The following CACNA1B variants were observed in gnomAD, a reference collection of about 807,000 sequenced individuals.
CACNA1B encodes the protein calcium voltage-gated channel subunit alpha1 B, also known as voltage-dependent N-type calcium channel subunit alpha-1B.
CACNA1B carries 70 observed loss-of-function variants against 247.2 expected under a neutral mutation model. That is an observed-to-expected ratio of 0.28 (90% CI 0.23 to 0.35). CACNA1B has a LOEUF of 0.35. Among genes scored for constraint, CACNA1B ranks in the 10% least tolerant of loss-of-function variants. The probability of loss-of-function intolerance (pLI) is 1.00; values close to 1 mark genes in which losing one functional copy is unlikely to be tolerated. For missense variants in CACNA1B, 2,367 were observed against 3,197.4 expected, an observed-to-expected ratio of 0.74 and a Z score of 6.26; for synonymous variants, 1,231 against 1,294.4, an observed-to-expected ratio of 0.95 and a Z score of 1.05.
intron 3 of CACNA1B, among the ~76,000 whole-genome samples, chr9:137,910,657 C>T (rs772780648): frequency 2.6e-5 from 4 of 152,118 alleles, no homozygotes; most frequent in South Asian, 2.1e-4. Flanking sequence ...TCATAAGGAG[C>T]GTGCAACCTA....
chr9:137,912,705 GAA>G (rs897930040), intron 3 of CACNA1B, among the ~76,000 whole-genome samples: 2 of 152,136 alleles, frequency 1.3e-5, no homozygotes, highest in African/African-American at 4.8e-5. Flanking sequence ...ATAAGGGAAA[GAA>G]TGGTGGTATA....
intron 3 of CACNA1B, among the ~76,000 whole-genome samples, chr9:137,908,892 A>C (rs1228587650): frequency 6.6e-6 from 1 of 152,050 alleles, no homozygotes; most frequent in East Asian, 1.9e-4. Flanking sequence ...CGGCCTCCCA[A>C]AGTGCTGGGA....
chr9:137,996,346 A>C (rs1262913615), intron 15 of CACNA1B, among the ~76,000 whole-genome samples: 2 of 152,260 alleles, frequency 1.3e-5, no homozygotes, highest in East Asian at 3.8e-4. Context: ...AAAGAGTGAA[A>C]TAATGGCATT....
intron 38 of CACNA1B, among the ~76,000 whole-genome samples, chr9:138,104,526 C>A (rs1387449191): frequency 6.6e-6 from 1 of 152,234 alleles, no homozygotes; most frequent in African/African-American, 2.4e-5. Context: ...GGGACTAGGA[C>A]TGGACGTGGC....
rs537664398 is a variant in CACNA1B at position 137,909,869 on chromosome 9, C to T, written c.531-3311C>T. 2.0e-5 allele frequency among the ~76,000 whole-genome samples: 3 copies of T among 152,174 alleles called. No individual in the cohort carries two copies. In the East Asian group the frequency reaches 5.8e-4, roughly 29 times the overall value. On this transcript the variant is annotated intron_variant, in intron 3 of 46. Coordinates refer to ENST00000371372, the MANE Select transcript of CACNA1B (RefSeq NM_000718.4). ...CACTGCAACCTCCACCTCTCGGGTT[C>T]AAGTGATTCTTGTGCCTCAGCCTCC...
intron 6 of CACNA1B, among the ~76,000 whole-genome samples, chr9:137,943,712 G>C (rs1025175287): frequency 2.0e-5 from 3 of 152,152 alleles, no homozygotes; most frequent in African/African-American, 7.2e-5. Flanking sequence ...GTATTTATTA[G>C]GCAAAAGAGA....
rs201195222 is a variant in CACNA1B at position 138,122,425 on chromosome 9, G to A, written c.*426G>A. ...AGCAGGGCCCACCTGAAAGTGCGCC[G>A]AGACCTCGGGACGGAGGGGATGGGG... On this transcript the variant is annotated 3_prime_UTR_variant, in exon 47 of 47. Coordinates refer to ENST00000371372, the MANE Select transcript of CACNA1B (RefSeq NM_000718.4). 22 of 184,884 alleles carry A rather than the reference G, an allele frequency of 1.2e-4. No individual in the cohort carries two copies. Among genetic ancestry groups the A allele is most frequent in the Admixed American group, 4.4e-4 (8 of 18,320 alleles). The allele number at this position is 184,884 out of a possible 1,614,324, so 11.5% of individuals were successfully genotyped here.
At chr9:137,956,449 G>T (rs1467837913) in intron 8 of CACNA1B, among the ~76,000 whole-genome samples, 1 of 152,172 alleles carries the variant, frequency 6.6e-6, no homozygotes, top group African/African-American at 2.4e-5. Flanking sequence ...CCTGAGGTCA[G>T]GAGTTCAAGA....
intron 42 of CACNA1B, 138 bp from the exon 43 acceptor site, chr9:138,117,808 A>C (rs1466844605): frequency 6.9e-6 from 4 of 580,178 alleles, no homozygotes; most frequent in African/African-American, 5.7e-5. Flanking sequence ...GGCTCAATTC[A>C]GTCCAGAACA....
rs778931692 is a variant in CACNA1B at position 138,049,218 on chromosome 9, T to A, written c.3613T>A (p.Leu1205Met). The A allele has an allele frequency of 1.9e-6, 3 of 1,609,080 alleles. No homozygotes were observed. Among genetic ancestry groups the A allele is most frequent in the Non-Finnish European group, 2.6e-6 (3 of 1,175,486 alleles). The change falls in exon 24 of 47, where the codon TTG becomes ATG. Residue 1205 changes from leucine (L) to methionine (M), a missense_variant. Transcript: ENST00000371372. ...TGTTTCTCCCTCCTAGATGATCGAC[T>A]TGGGACTGCTGCTTCACCCTGGAGC... ...TFEMVIKMIDLGLLLHPGAYF... is the reference protein window; with the variant it reads ...TFEMVIKMIDMGLLLHPGAYF...
At chr9:138,009,295 T>G (rs1292906717) in intron 16 of CACNA1B, among the ~76,000 whole-genome samples, 2 of 152,134 alleles carry the variant, frequency 1.3e-5, no homozygotes, top group Non-Finnish European at 2.9e-5. Context: ...TGAGGCAAGG[T>G]GCAGTCCCAG....
rs768663036 is a variant in CACNA1B, at chr9:138,078,170, C to G, written c.5006C>G (p.Ala1669Gly). The G allele has an allele frequency of 1.2e-6, 2 of 1,613,838 alleles. No individual in the cohort carries two copies. The highest frequency in any genetic ancestry group is 1.7e-6 in the Non-Finnish European group (2 of 1,179,850). ...ATGCTGTCCTGCCTGAGCAACCAGG[C>G]CTGTGATGAGCAGGCCAATGCCACC... ...EIMLSCLSNQ[A>G]CDEQANATEC... is the part of the protein sequence containing the mutation. Residue 1669 changes from alanine to glycine, a missense_variant, in exon 36 of 47, where the codon GCC (alanine) becomes GGC (glycine). Physicochemically the swap from Ala to Gly is moderately conservative, Grantham distance 60. Around this residue, in one of 12 missense-constraint regions of CACNA1B, gnomAD observed 436 missense variants for 679.5 expected, o/e 0.64. Coordinates refer to ENST00000371372, the MANE Select transcript of CACNA1B (RefSeq NM_000718.4).
At chr9:137,962,442 G>A (rs1331536676) in intron 10 of CACNA1B, among the ~76,000 whole-genome samples, 5 of 150,698 alleles carry the variant, frequency 3.3e-5, no homozygotes, top group Admixed American at 3.3e-4. Flanking sequence ...TTTGGGGTTT[G>A]TTTGCTCTTG....
At chr9:137,879,735 G>T (rs545185547) in intron 2 of CACNA1B, among the ~76,000 whole-genome samples, 11 of 152,346 alleles carry the variant, frequency 7.2e-5, no homozygotes, top group African/African-American at 2.6e-4. Context: ...CCCCATTGGA[G>T]CATAGAGTCT....
At chr9:137,878,719 C>A (rs1490723576) in intron 1 of CACNA1B, among the ~76,000 whole-genome samples, 2 of 152,136 alleles carry the variant, frequency 1.3e-5, no homozygotes, top group Non-Finnish European at 2.9e-5. Context: ...GGGTCTCCCT[C>A]CAGCCTCGCC....
chr9:137,919,424 G>A lies in CACNA1B; in HGVS notation c.966+1993G>A, dbSNP rs1006334022. Among the ~76,000 whole-genome samples the A allele has an allele frequency of 5.9e-5, 9 of 152,238 alleles. No individual in the cohort carries two copies. Among genetic ancestry groups the A allele is most frequent in the African/African-American group, 9.6e-5 (4 of 41,466 alleles). On this transcript the variant is annotated intron_variant, in intron 6 of 46. Coordinates refer to ENST00000371372, the MANE Select transcript of CACNA1B (RefSeq NM_000718.4). This position sits in a 1 kb window ranked among gnomAD's most constrained non-coding sequence, Gnocchi z 4.6. ...GCTACAACACCTTGGAAGCTTGGCCGGGGCAGCAAGATGCAGTCATGGCAG... is the reference window on the plus strand; with the variant it reads ...GCTACAACACCTTGGAAGCTTGGCCAGGGCAGCAAGATGCAGTCATGGCAG...
At chr9:138,030,061 CT>C (rs1295598684) in intron 20 of CACNA1B, among the ~76,000 whole-genome samples, 1 of 152,140 alleles carries the variant, frequency 6.6e-6, no homozygotes, top group Non-Finnish European at 1.5e-5. Context: ...ACATACATGC[CT>C]TTTATTTCCC....
At chr9:138,036,288 C>T (rs1391966431) in intron 20 of CACNA1B, among the ~76,000 whole-genome samples, 8 of 152,138 alleles carry the variant, frequency 5.3e-5, no homozygotes, top group Non-Finnish European at 1.2e-4. Flanking sequence ...TACAGGCGCC[C>T]GCCACCACGC....
chr9:138,027,466 CATT>C (rs989060035), intron 20 of CACNA1B, among the ~76,000 whole-genome samples: 21 of 152,106 alleles, frequency 1.4e-4, no homozygotes, highest in Non-Finnish European at 8.8e-5. Context: ...TTACACCACT[CATT>C]ATTATTTTTT....
Sources: allele counts gnomAD v4.1 joint callset (sites outside exome capture counted in the v4.1 genomes callset), GRCh38; gene constraint gnomAD v4.1.1; regional missense constraint gnomAD v4.1.1; non-coding constraint Gnocchi (gnomAD v3.1); transcripts MANE v1.5; gene names NCBI Gene and HGNC (gene_info 2026-07-23, HGNC 2026-07-21).